OAT: variants seen among roughly 807,000 people sequenced by gnomAD.
OAT encodes the protein ornithine aminotransferase, mitochondrial.
In OAT, 35 loss-of-function variants were observed where a neutral mutation model predicts 48.4. The observed-to-expected ratio is 0.72, with a 90% CI of 0.55 to 0.96. The LOEUF is 0.96. Ranked by LOEUF, OAT falls within the 40% of genes least tolerant of loss-of-function variation. OAT has a pLI of 0.00. For missense variants in OAT, 438 were observed against 537.9 expected, an observed-to-expected ratio of 0.81 and a Z score of 1.84; for synonymous variants, 182 against 198.4, an observed-to-expected ratio of 0.92 and a Z score of 0.70.
In OAT at chr10:124,405,596, A is replaced by G. The variant is rs760295579; in HGVS notation, c.521-33T>C. On this transcript the variant is annotated intron_variant, in intron 4 of 9. Transcript: ENST00000368845. ...GGGGAAACAAACAGTGATTATTTCAAAGAAACCCAAAATTCAATAAGCACT... is the reference window on the plus strand; with the variant it reads ...GGGGAAACAAACAGTGATTATTTCAGAGAAACCCAAAATTCAATAAGCACT... 3.1e-6 allele frequency: 5 copies of G among 1,611,426 alleles called. No individual in the cohort carries two copies. The African/African-American group carries it at 4.0e-5, about 13-fold the overall frequency.
chr10:124,412,228 G>C (rs1036189756), intron 1 of OAT, 28 bp from the exon 2 acceptor site: 2 of 1,533,654 alleles, frequency 1.3e-6, no homozygotes, highest in East Asian at 4.5e-5. Flanking sequence ...AATGCATTAA[G>C]AGTGAGAATC....
At chr10:124,400,516 A>T (rs1457108215) in intron 9 of OAT, among the ~76,000 whole-genome samples, 1 of 150,190 alleles carries the variant, frequency 6.7e-6, no homozygotes, top group African/African-American at 2.5e-5. Flanking sequence ...ACACTTTGGG[A>T]GGCCAACGCA....
At chr10:124,398,436 G>T (rs1184174869) in intron 9 of OAT, among the ~76,000 whole-genome samples, 1 of 151,606 alleles carries the variant, frequency 6.6e-6, no homozygotes, top group East Asian at 2.0e-4. Context: ...TGAACCAGGA[G>T]GCGGAGGCTG....
intron 8 of OAT, among the ~76,000 whole-genome samples, chr10:124,401,498 G>A (rs976176270): frequency 7.9e-5 from 12 of 152,232 alleles, no homozygotes; most frequent in Admixed American, 2.0e-4. Context: ...AACTCAAAGC[G>A]CCAGGTGACT....
chr10:124,402,511 G>A (rs555122673), intron 7 of OAT, among the ~76,000 whole-genome samples: 1 of 152,196 alleles, frequency 6.6e-6, no homozygotes, highest in Non-Finnish European at 1.5e-5. Context: ...CTCTGATGTA[G>A]TAACAATTAC....
chr10:124,411,732 C>T (rs564427683), intron 2 of OAT, among the ~76,000 whole-genome samples: 1 of 151,554 alleles, frequency 6.6e-6, no homozygotes, highest in East Asian at 1.9e-4. Flanking sequence ...AGAAGAATCG[C>T]TTGAACCTGG....
At chr10:124,406,721 C>T (rs1951588823) in intron 4 of OAT, among the ~76,000 whole-genome samples, 3 of 144,256 alleles carry the variant, frequency 2.1e-5, no homozygotes, top group South Asian at 4.3e-4. Context: ...GAGGCTGAGG[C>T]AGGAGAATCA....
rs376051303 is a variant in OAT, at chr10:124,412,049, A to T, written c.123T>A (p.Asp41Glu). Reference sequence around the variant, plus strand: ...ACTTATATTCCCTTTCAAAAATGTCATCAGAGGTTGGAGGGCCTTGGACTG... The same window carrying T: ...ACTTATATTCCCTTTCAAAAATGTCTTCAGAGGTTGGAGGGCCTTGGACTG... The part of the protein sequence containing the change: ...KKTVQGPPTS[D>E]DIFEREYKYG... The change falls in exon 2 of 10, where the codon GAT becomes GAA. Residue 41 changes from aspartate to glutamate, a missense_variant. Transcript: ENST00000368845. 1.1e-5 allele frequency: 17 copies of T among 1,614,204 alleles called. No individual in the cohort carries two copies. The African/African-American group carries it at 2.0e-4, about 19-fold the overall frequency.
chr10:124,414,065 T>C (rs964817538), intron 1 of OAT: 2 of 151,608 alleles, frequency 1.3e-5, no homozygotes, highest in Non-Finnish European at 2.9e-5. Context: ...GATAAATTCA[T>C]GATTAGGAGA....
At chr10:124,410,876 C>T (rs955616999) in intron 2 of OAT, among the ~76,000 whole-genome samples, 1 of 151,854 alleles carries the variant, frequency 6.6e-6, no homozygotes, top group Admixed American at 6.6e-5. Flanking sequence ...CGCGGTGGCT[C>T]ACGCCTGTAA....
chr10:124,408,300 T>C (rs902054202), intron 4 of OAT, among the ~76,000 whole-genome samples: 6 of 50,130 alleles, frequency 1.2e-4, no homozygotes, highest in African/African-American at 2.5e-4. Context: ...TGTGTGTGTG[T>C]GTGTGTGTGT....
intron 4 of OAT, among the ~76,000 whole-genome samples, chr10:124,406,605 C>A (rs1011895458): frequency 6.6e-6 from 1 of 151,916 alleles, no homozygotes; most frequent in African/African-American, 2.4e-5. Flanking sequence ...CACATGAGGT[C>A]AGGAGTTCAA....
chr10:124,413,647 A>T (rs1241282499), intron 1 of OAT, among the ~76,000 whole-genome samples: 2 of 152,132 alleles, frequency 1.3e-5, no homozygotes, highest in African/African-American at 4.8e-5. Context: ...TGCGCATTGC[A>T]CTCCAGCCTG....
intron 8 of OAT, among the ~76,000 whole-genome samples, chr10:124,401,475 G>C (rs549904441): frequency 2.0e-5 from 3 of 152,360 alleles, no homozygotes; most frequent in African/African-American, 7.2e-5. Flanking sequence ...ATGAGGGCCA[G>C]CCAGGGCCGA....
intron 1 of OAT, among the ~76,000 whole-genome samples, chr10:124,412,597 G>A (rs1951792075): frequency 6.6e-6 from 1 of 152,030 alleles, no homozygotes; most frequent in Non-Finnish European, 1.5e-5. Context: ...CTTGAGCCGA[G>A]GAGTTAAAGA....
chr10:124,405,299 G>A lies in OAT; in HGVS notation c.648+137C>T, dbSNP rs142851202. 57 of 1,294,452 alleles carry A rather than the reference G, an allele frequency of 4.4e-5. No individual in the cohort carries two copies. In the African/African-American group the frequency reaches 5.3e-4, roughly 12 times the overall value. 80.2% of individuals were successfully genotyped at this position (1,294,452 alleles called of 1,614,324 possible). A position where few individuals can be genotyped will look rare whatever the true frequency, so the allele number is the denominator to read the frequency against. Reference sequence around the variant, plus strand: ...TTGGAAACTAATTGATCGCTACTGAGAACAAGTCTGAAATCGTGGCTTAAC... The same window carrying A: ...TTGGAAACTAATTGATCGCTACTGAAAACAAGTCTGAAATCGTGGCTTAAC... On this transcript the variant is annotated intron_variant, in intron 5 of 9. Transcript: ENST00000368845.
At chr10:124,401,930 T>C in intron 7 of OAT, 91 bp from the exon 8 acceptor site, 2 of 928,088 alleles carry the variant, frequency 2.2e-6, no homozygotes, top group Non-Finnish European at 3.4e-6. Context: ...CACCCAGGCT[T>C]GAGTGCAGTG....
rs2134460257 is a variant in OAT at position 124,403,897 on chromosome 10, C to G, written c.672G>C (p.Val224=). 6.2e-7 allele frequency: 1 copy of G among 1,614,124 alleles called. No homozygotes were observed. The highest frequency in any genetic ancestry group is 1.1e-5 in the South Asian group (1 of 91,076). The change falls in exon 6 of 10, where the codon GTG becomes GTC. Residue 224 remains valine (V), a synonymous_variant. Coordinates refer to ENST00000368845, the MANE Select transcript of OAT (RefSeq NM_000274.4). ...GAATTGGTTCTACCATGAACGCAGC[C>G]ACATTTGGATCCTGAAGAGCACGCT... ...ALERALQDPN[V]AAFMVEPIQG... is the part of the protein sequence containing the mutation.
At chr10:124,406,920 A>C in intron 4 of OAT, 1 of 977,372 alleles carries the variant, frequency 1.0e-6, no homozygotes, top group Non-Finnish European at 1.2e-6. Flanking sequence ...CAGTAAAGCA[A>C]GTGAGCTAGA....
Sources: gnomAD v4.1 joint callset for allele counts (sites outside exome capture counted in the v4.1 genomes callset) on GRCh38, gnomAD v4.1.1 for gene constraint, MANE v1.5 for transcripts, NCBI Gene and HGNC (gene_info 2026-07-23, HGNC 2026-07-21) for gene names.